Variants in SCN9A observed in about 807,000 individuals in gnomAD.
SCN9A encodes sodium channel protein type 9 subunit alpha.
SCN9A carries 131 observed loss-of-function variants against 187.0 expected under a neutral mutation model. The observed-to-expected ratio is 0.70, with a 90% CI of 0.61 to 0.81. SCN9A has a LOEUF of 0.81. SCN9A is among the 30% of genes least tolerant of loss of function. The pLI, the probability that SCN9A is intolerant of heterozygous loss-of-function variation, is 0.00. For missense variants in SCN9A, 2,252 were observed against 2,396.6 expected, an observed-to-expected ratio of 0.94 and a Z score of 1.26; for synonymous variants, 809 against 808.6, an observed-to-expected ratio of 1.00 and a Z score of -0.01.
chr2:166,287,976 T>C (rs1445016756), intron 10 of SCN9A, among the ~76,000 whole-genome samples: 1 of 147,430 alleles, frequency 6.8e-6, no homozygotes, highest in Non-Finnish European at 1.5e-5. Context: ...ATATTGTATA[T>C]ATATATAAAT....
chr2:166,266,625 T>G (rs1696751334), intron 17 of SCN9A, among the ~76,000 whole-genome samples: 1 of 151,436 alleles, frequency 6.6e-6, no homozygotes, highest in Non-Finnish European at 1.5e-5. Context: ...TGATAGGGAT[T>G]GCATTAAACC....
chr2:166,311,902 C>T, intron 1 of SCN9A, 96 bp from the exon 2 acceptor site: 3 of 669,718 alleles, frequency 4.5e-6, no homozygotes, highest in East Asian at 2.8e-5. Context: ...TTTTTAGTTT[C>T]AACTACAAAA....
chr2:166,249,842 G>C (rs559281653), intron 18 of SCN9A, among the ~76,000 whole-genome samples: 1 of 152,124 alleles, frequency 6.6e-6, no homozygotes, highest in Non-Finnish European at 1.5e-5. Flanking sequence ...CTTCTTTCTA[G>C]TTATCCTAGA....
chr2:166,218,429 A>T (rs200846738), intron 24 of SCN9A, among the ~76,000 whole-genome samples: 1 of 143,350 alleles, frequency 7.0e-6, no homozygotes, highest in Admixed American at 1.0e-4. Flanking sequence ...AATAAATAAA[A>T]AATAAAAAAG....
chr2:166,295,155 T>A (rs1160698641), intron 7 of SCN9A, among the ~76,000 whole-genome samples: 25 of 152,062 alleles, frequency 1.6e-4, no homozygotes. Context: ...GAGAAAGAAC[T>A]AAAGCCCTAA....
At chr2:166,239,302 T>C (rs770944298) in intron 19 of SCN9A, among the ~76,000 whole-genome samples, 1 of 151,968 alleles carries the variant, frequency 6.6e-6, no homozygotes, top group Non-Finnish European at 1.5e-5. Context: ...GTTAGAACTT[T>C]CTCTTTCAGA....
At chr2:166,232,644 C>T (rs1469428204) in intron 21 of SCN9A, among the ~76,000 whole-genome samples, 3 of 151,742 alleles carry the variant, frequency 2.0e-5, no homozygotes, top group East Asian at 1.9e-4. Flanking sequence ...TCATTTGGAT[C>T]ATTCTATTGT....
intron 1 of SCN9A, among the ~76,000 whole-genome samples, chr2:166,351,744 C>A (rs1322450681): frequency 6.6e-6 from 1 of 152,114 alleles, no homozygotes; most frequent in Non-Finnish European, 1.5e-5. Context: ...GCCCATATGG[C>A]TAACTTTAAT....
In SCN9A at chr2:166,311,546, C is replaced by A; in HGVS notation, c.211G>T (p.Val71Leu). 10 of 1,612,540 alleles carry A rather than the reference C, an allele frequency of 6.2e-6. No homozygotes were observed. Among genetic ancestry groups the A allele is most frequent in the Non-Finnish European group, 8.5e-6 (10 of 1,179,372 alleles). The change falls in exon 2 of 27, where the codon GTG (valine) becomes TTG (leucine). Residue 71 changes from valine to leucine, a missense_variant. Transcript: ENST00000642356. ...FIYGDIPPGM[V>L]SEPLEDLDPY... is the part of the protein sequence containing the mutation. ...TCCAAGTCCTCCAGGGGCTCTGACA[C>A]CATGCCGGGAGGAATGTCCCCATAG...
intron 1 of SCN9A, among the ~76,000 whole-genome samples, chr2:166,325,464 A>G (rs1699339815): frequency 6.6e-6 from 1 of 152,078 alleles, no homozygotes; most frequent in South Asian, 2.1e-4. Context: ...TGACTTATAA[A>G]CATAGAACTA....
At chr2:166,349,928 C>T (rs568324171) in intron 1 of SCN9A, among the ~76,000 whole-genome samples, 43 of 151,786 alleles carry the variant, frequency 2.8e-4, no homozygotes, top group Non-Finnish European at 5.0e-4. Context: ...GCCAAGATTG[C>T]GCCATTGCAC....
chr2:166,265,432 T>C (rs1350689610), intron 17 of SCN9A, among the ~76,000 whole-genome samples: 2 of 151,988 alleles, frequency 1.3e-5, no homozygotes, highest in Admixed American at 6.6e-5. Context: ...GTACATTTTC[T>C]TTATGCATTT....
At chr2:166,323,557 C>T (rs1166353619) in intron 1 of SCN9A, among the ~76,000 whole-genome samples, 1 of 151,954 alleles carries the variant, frequency 6.6e-6, no homozygotes, top group Non-Finnish European at 1.5e-5. Flanking sequence ...TACCTAATAA[C>T]TAAAAGGAAA....
chr2:166,343,823 G>T (rs1169053549), intron 1 of SCN9A, among the ~76,000 whole-genome samples: 1 of 145,940 alleles, frequency 6.9e-6, no homozygotes, highest in East Asian at 2.0e-4. Flanking sequence ...GAAAAGAAAA[G>T]AAAAAGTGGA....
At chr2:166,222,422 G>A (rs1490743150) in intron 24 of SCN9A, among the ~76,000 whole-genome samples, 1 of 152,120 alleles carries the variant, frequency 6.6e-6, no homozygotes, top group African/African-American at 2.4e-5. Context: ...GAGGTCAGGA[G>A]ATCAAGACCA....
rs976989370 is a variant in SCN9A, at chr2:166,197,201, T to C, written c.*1471A>G. On this transcript the variant is annotated 3_prime_UTR_variant, in exon 27 of 27. Coordinates refer to ENST00000642356, the MANE Select transcript of SCN9A (RefSeq NM_001365536.1). Reference sequence around the variant, plus strand: ...TTTTGCCTGTGCATGAATAACTTTATAGAAGAAAGATCTCATATTCCTGAA... The same window carrying C: ...TTTTGCCTGTGCATGAATAACTTTACAGAAGAAAGATCTCATATTCCTGAA... 2.0e-5 allele frequency: 3 copies of C among 152,086 alleles called. No individual in the cohort carries two copies. Among genetic ancestry groups the C allele is most frequent in the Admixed American group, 6.5e-5 (1 of 15,272 alleles). The allele number at this position is 152,086 out of a possible 1,614,324, so 9.4% of individuals were successfully genotyped here. A position where few individuals can be genotyped will look rare whatever the true frequency, so the allele number is the denominator to read the frequency against.
intron 17 of SCN9A, among the ~76,000 whole-genome samples, chr2:166,260,172 A>C (rs1696447203): frequency 6.6e-6 from 1 of 151,930 alleles, no homozygotes; most frequent in Non-Finnish European, 1.5e-5. Context: ...TAAATATTTA[A>C]TTTGGGAACT....
chr2:166,234,760 T>A (rs1184738651), intron 20 of SCN9A, among the ~76,000 whole-genome samples: 2 of 152,126 alleles, frequency 1.3e-5, no homozygotes, highest in East Asian at 1.9e-4. Context: ...ATTTTTTTTT[T>A]AATGTTTTGC....
At chr2:166,240,171 T>C (rs766707338) in intron 19 of SCN9A, among the ~76,000 whole-genome samples, 1 of 152,138 alleles carries the variant, frequency 6.6e-6, no homozygotes, top group Non-Finnish European at 1.5e-5. Context: ...AAGCAAAATA[T>C]CATAATCTCA....
Sources: gnomAD v4.1 joint callset for allele counts (sites outside exome capture counted in the v4.1 genomes callset) on GRCh38, gnomAD v4.1.1 for gene constraint, MANE v1.5 for transcripts, NCBI Gene and HGNC (gene_info 2026-07-23, HGNC 2026-07-21) for gene names.